FAAP20: variants seen among roughly 807,000 people sequenced by gnomAD.
FAAP20 encodes FA core complex associated protein 20, also known as Fanconi anemia core complex-associated protein 20.
FAAP20 carries 12 observed loss-of-function variants against 16.2 expected under a neutral mutation model. That is an observed-to-expected ratio of 0.74 (90% CI 0.48 to 1.20). The LOEUF (loss-of-function observed/expected upper bound fraction) is 1.20. Among genes scored for constraint, FAAP20 ranks in the 50% most tolerant of loss-of-function variants. FAAP20 has a pLI of 0.00. For synonymous variants in FAAP20, 141 were observed against 110.7 expected (o/e 1.27, Z -1.72); for missense variants, 288 against 245.8 (o/e 1.17, Z -1.15).
chr1:2,208,309 C>T (rs537796910), downstream of FAAP20, among the ~76,000 whole-genome samples: 99 of 152,178 alleles, frequency 6.5e-4, no homozygotes, highest in Non-Finnish European at 1.1e-3. Context: ...GTCCTCCAGC[C>T]CGCCTTCTGG....
downstream of FAAP20, among the ~76,000 whole-genome samples, chr1:2,209,564 G>C (rs866862482): frequency 4.6e-5 from 7 of 152,352 alleles, 1 homozygote; most frequent in South Asian, 1.2e-3. Flanking sequence ...CCCGGACCCT[G>C]TCGGGCAGGA....
chr1:2,202,454 C>T (rs976150477), upstream of FAAP20, among the ~76,000 whole-genome samples: 2 of 151,982 alleles, frequency 1.3e-5, no homozygotes, highest in Non-Finnish European at 2.9e-5. Flanking sequence ...TCCTCAACAC[C>T]TCTTTATTTT....
chr1:2,199,128 C>T, upstream of FAAP20: 1 of 1,184,902 alleles, frequency 8.4e-7, no homozygotes, highest in Non-Finnish European at 1.1e-6. The surrounding 1 kb of genome is among the most constrained non-coding windows in gnomAD (Gnocchi z 4.5). Flanking sequence ...GGGCCCTGGC[C>T]CGGGAGAGAC....
At position 2,193,689 on chromosome 1, in the gene FAAP20, ACCCTCCACAGACGGCTGCTGCT is replaced by A; in HGVS notation, c.398_419del (p.Glu133ValfsTer19). 6.3e-7 allele frequency: 1 copy of A among 1,598,352 alleles called. No individual in the cohort carries two copies. Among genetic ancestry groups the A allele is most frequent in the Non-Finnish European group, 8.5e-7 (1 of 1,175,250 alleles). On this transcript the variant is annotated frameshift_variant, in exon 3 of 4. Coordinates refer to ENST00000378546, the MANE Select transcript of FAAP20 (RefSeq NM_182533.4). LOFTEE classifies it high-confidence loss of function. ...TGGGGCAGCTGCGCAGGGCCGCGGC[ACCCTCCACAGACGGCTGCTGCT>A]CCACCCTGGGGGCCCTGCAGGGATC...
Position 2,193,868 on chromosome 1 carries a change from C to G in FAAP20, c.241G>C (p.Gly81Arg). 6.2e-7 allele frequency: 1 copy of G among 1,612,444 alleles called. No individual in the cohort carries two copies. Among genetic ancestry groups the G allele is most frequent in the Non-Finnish European group, 8.5e-7 (1 of 1,179,838 alleles). Residue 81 changes from glycine to arginine, a missense_variant, in exon 3 of 4, where the codon GGA (glycine) becomes CGA (arginine). Physicochemically the swap from Gly to Arg is moderately radical, Grantham distance 125 (BLOSUM62 -2). Coordinates refer to ENST00000378546, the MANE Select transcript of FAAP20 (RefSeq NM_182533.4). Reference protein sequence around the residue: ...GPEPTEVFTVGPKTFSWTPFP... With the variant: ...GPEPTEVFTVRPKTFSWTPFP... The stretch of plus-strand genomic sequence containing the variant: ...GGTGTCCAGGAAAAGGTCTTGGGTC[C>G]GACAGTGAAGACTTCAGTGGGCTCC...
chr1:2,193,765 G>A lies in FAAP20; in HGVS notation c.344C>T (p.Ala115Val), dbSNP rs1572115143. 6.3e-7 allele frequency: 1 copy of A among 1,595,110 alleles called. No individual in the cohort carries two copies. Among genetic ancestry groups the A allele is most frequent in the Non-Finnish European group, 8.5e-7 (1 of 1,174,282 alleles). Residue 115 changes from alanine (A) to valine (V), a missense_variant, in exon 3 of 4, where the codon GCC (alanine) becomes GTC (valine). Coordinates refer to ENST00000378546, the MANE Select transcript of FAAP20 (RefSeq NM_182533.4). Reference sequence around the variant, plus strand: ...TGCCGGGCGCTGGGGCAGGGACCTGGCGGGGGATTCCAGGTGCCCTCCTGC... The same window carrying A: ...TGCCGGGCGCTGGGGCAGGGACCTGACGGGGGATTCCAGGTGCCCTCCTGC... The part of the protein sequence containing the change: ...HGAGGHLESP[A>V]RSLPQRPAPD...
downstream of FAAP20, among the ~76,000 whole-genome samples, chr1:2,208,213 G>A (rs1689338160): frequency 6.6e-6 from 1 of 152,066 alleles, no homozygotes; most frequent in Admixed American, 6.5e-5. Context: ...GGCTTCTTGG[G>A]AGCCCGGGGC....
upstream of FAAP20, chr1:2,199,276 C>T: frequency 9.2e-7 from 1 of 1,087,100 alleles, no homozygotes; most frequent in South Asian, 2.2e-5. This position sits in a 1 kb window ranked among gnomAD's most constrained non-coding sequence, Gnocchi z 4.5. Flanking sequence ...CTCCCACAGC[C>T]TGTCCTCCAT....
At chr1:2,199,479 T>G, upstream of FAAP20, 1 of 996,616 alleles carries the variant, frequency 1.0e-6, no homozygotes, top group Non-Finnish European at 1.2e-6. The surrounding 1 kb of genome is among the most constrained non-coding windows in gnomAD (Gnocchi z 4.5). Context: ...TGCTGATTGG[T>G]CTACCCAGGA....
downstream of FAAP20, among the ~76,000 whole-genome samples, chr1:2,211,944 C>T (rs547303436): frequency 2.3e-3 from 321 of 142,102 alleles, 2 homozygotes; most frequent in Admixed American, 4.7e-3. Context: ...GCTTTGTCGC[C>T]CAGGCTGGAG....
chr1:2,186,574 G>C (rs1460049953), downstream of FAAP20, among the ~76,000 whole-genome samples: 5 of 148,794 alleles, frequency 3.4e-5, no homozygotes, highest in African/African-American at 5.0e-5. Flanking sequence ...TAGCTGTTGA[G>C]ACTCAACTCC....
chr1:2,203,497 GCCTGGCGCTGAC>G (rs765279026), upstream of FAAP20: 231 of 985,608 alleles, frequency 2.3e-4, no homozygotes, highest in Non-Finnish European at 2.7e-4. Context: ...TCTGGGGTTG[GCCTGGCGCTGAC>G]CTGTGCACCT....
upstream of FAAP20, among the ~76,000 whole-genome samples, chr1:2,201,841 C>G (rs574512106): frequency 1.3e-5 from 2 of 151,674 alleles, no homozygotes; most frequent in Non-Finnish European, 2.9e-5. Flanking sequence ...CACGGTGAAA[C>G]CCTGTTTCTA....
intron 3 of FAAP20, chr1:2,192,599 TC>T: frequency 9.2e-7 from 1 of 1,083,008 alleles, no homozygotes. Flanking sequence ...CATGGATTTC[TC>T]CCCAGGGCTC....
intron 3 of FAAP20, 59 bp downstream of exon 3, chr1:2,193,580 G>C (rs890959585): frequency 6.4e-7 from 1 of 1,568,816 alleles, no homozygotes; most frequent in Admixed American, 2.1e-5. Context: ...CCTTCTGAAC[G>C]GCTGTGGTTT....
chr1:2,201,190 G>T, upstream of FAAP20: 1 of 1,244,010 alleles, frequency 8.0e-7, no homozygotes, highest in South Asian at 1.3e-5. Context: ...CAGAGGAGCC[G>T]TGGGGTGGCT....
At chr1:2,207,330 G>T (rs889285682), downstream of FAAP20, among the ~76,000 whole-genome samples, 1 of 152,220 alleles carries the variant, frequency 6.6e-6, no homozygotes, top group Non-Finnish European at 1.5e-5. Context: ...TGGTCTGGTA[G>T]ATAACTGGAG....
rs963384811 is a variant in FAAP20, at chr1:2,194,103, CA to C, written c.92del (p.Leu31ArgfsTer17). 6.2e-7 allele frequency: 1 copy of C among 1,612,294 alleles called. No homozygotes were observed. Among genetic ancestry groups the C allele is most frequent in the African/African-American group, 1.3e-5 (1 of 74,852 alleles). Reference sequence around the variant, plus strand: ...AGAGCCGCTCCCGCTCATCACCCCCCAGGAGAAACCAGGGGCGGCCGCCAGA... The same window carrying C: ...AGAGCCGCTCCCGCTCATCACCCCCCGGAGAAACCAGGGGCGGCCGCCAGA... ...GPSGGRPWFL[L>X]GGDERERLWA... On this transcript the variant is annotated frameshift_variant, in exon 2 of 4. Transcript: ENST00000378546. LOFTEE classifies it high-confidence loss of function.
chr1:2,193,722 G>T lies in FAAP20; in HGVS notation c.387C>A (p.Ala129=). The change falls in exon 3 of 4, where the codon GCC becomes GCA. Residue 129 remains alanine (A), a synonymous_variant. Transcript: ENST00000378546. ...PQRPAPDPCR[A]PRVEQQPSVE... is the part of the protein sequence containing the mutation. ...CAGACGGCTGCTGCTCCACCCTGGG[G>T]GCCCTGCAGGGATCAGGTGCCGGGC... 1.9e-6 allele frequency: 3 copies of T among 1,589,872 alleles called. No homozygotes were observed. Among genetic ancestry groups the T allele is most frequent in the South Asian group, 1.1e-5 (1 of 88,454 alleles).
Sources: allele counts gnomAD v4.1 joint callset (sites outside exome capture counted in the v4.1 genomes callset), GRCh38; gene constraint gnomAD v4.1.1; non-coding constraint Gnocchi (gnomAD v3.1); transcripts MANE v1.5; gene names NCBI Gene and HGNC (gene_info 2026-07-23, HGNC 2026-07-21).